The following EDA variants were observed in gnomAD, a reference collection of about 807,000 sequenced individuals.
EDA encodes ectodysplasin A.
EDA carries 2 observed loss-of-function variants against 23.6 expected under a neutral mutation model. The ratio of observed to expected loss-of-function variants is 0.08; its 90% CI spans 0.03 to 0.27. The LOEUF (loss-of-function observed/expected upper bound fraction) is 0.27. EDA is among the 10% of genes least tolerant of loss of function. The pLI is 1.00. For synonymous variants in EDA, 131 were observed against 132.0 expected, an observed-to-expected ratio of 0.99 and a Z score of 0.05; for missense variants, 229 against 324.2, an observed-to-expected ratio of 0.71 and a Z score of 2.26.
intron 2 of EDA, among the ~76,000 whole-genome samples, chrX:69,982,392 A>G (rs1029634714): frequency 2.7e-5 from 3 of 111,203 alleles, no homozygotes; most frequent in Non-Finnish European, 5.7e-5. Flanking sequence ...ATAGAAAGAG[A>G]ACTTGGACCA....
chrX:69,836,859 A>G (rs1477128267), intron 1 of EDA, among the ~76,000 whole-genome samples: 1 of 111,755 alleles, frequency 8.9e-6, no homozygotes, highest in Non-Finnish European at 1.9e-5. Flanking sequence ...CTATTTGGCC[A>G]TCTTGGAATG....
chrX:69,833,016 T>C (rs761500226), intron 1 of EDA, among the ~76,000 whole-genome samples: 1 of 111,621 alleles, frequency 9.0e-6, no homozygotes, highest in Non-Finnish European at 1.9e-5. Context: ...CATTTCCTAA[T>C]TGAATACCCT....
intron 1 of EDA, among the ~76,000 whole-genome samples, chrX:69,789,217 G>A (rs886475957): frequency 5.4e-5 from 6 of 111,817 alleles, no homozygotes; most frequent in African/African-American, 1.3e-4. Context: ...AGATGAACCC[G>A]GTACCTCAGA....
At chrX:70,007,350 G>T (rs1683946535) in intron 2 of EDA, among the ~76,000 whole-genome samples, 2 of 111,526 alleles carry the variant, frequency 1.8e-5, no homozygotes, top group Non-Finnish European at 3.8e-5. Context: ...ATCCATACAT[G>T]TTGTGGAGGG....
intron 2 of EDA, among the ~76,000 whole-genome samples, chrX:70,022,524 G>C (rs756979384): frequency 9.2e-6 from 1 of 108,678 alleles, no homozygotes; most frequent in Non-Finnish European, 1.9e-5. Flanking sequence ...TTTTAGTAGA[G>C]ACGAGGTTTC....
At chrX:69,675,121 C>T (rs922963431) in intron 1 of EDA, among the ~76,000 whole-genome samples, 6 of 102,859 alleles carry the variant, frequency 5.8e-5, no homozygotes, top group African/African-American at 1.8e-4. Context: ...TAGCTGGGAC[C>T]AAAAGCACAT....
chrX:69,957,485 A>C (rs12390151), intron 2 of EDA: 110 of 147,850 alleles, frequency 7.4e-4, no homozygotes, highest in African/African-American at 3.3e-3. Flanking sequence ...TCTCAAAAAA[A>C]AAAAAACAAA....
intron 2 of EDA, among the ~76,000 whole-genome samples, chrX:70,012,171 G>A (rs769296107): frequency 9.0e-6 from 1 of 111,703 alleles, no homozygotes; most frequent in Non-Finnish European, 1.9e-5. Flanking sequence ...GAAAACATAT[G>A]GTTACAAATA....
At chrX:69,805,484 C>T (rs2015793045) in intron 1 of EDA, among the ~76,000 whole-genome samples, 1 of 111,624 alleles carries the variant, frequency 9.0e-6, no homozygotes, top group Non-Finnish European at 1.9e-5. Context: ...TTCAAAAGGC[C>T]TCTCCAAGAT....
At chrX:69,619,728 T>A (rs771178756) in intron 1 of EDA, among the ~76,000 whole-genome samples, 1 of 111,913 alleles carries the variant, frequency 8.9e-6, no homozygotes, top group Non-Finnish European at 1.9e-5. Context: ...ATTAGGACAA[T>A]ATACAGTAAT....
At chrX:70,032,775 G>A (rs7884380) in intron 6 of EDA, among the ~76,000 whole-genome samples, 1,168 of 111,366 alleles carry the variant, frequency 0.01, 17 homozygotes, top group African/African-American at 0.036. Flanking sequence ...CTCACCTATG[G>A]GGCCCTGGTA....
chrX:69,700,243 G>C (rs2011496514), intron 1 of EDA, among the ~76,000 whole-genome samples: 1 of 111,403 alleles, frequency 9.0e-6, no homozygotes, highest in Admixed American at 9.5e-5. Context: ...TCATGAGCAA[G>C]GGCCTGCCCA....
chrX:69,816,429 C>A (rs1273701124), intron 1 of EDA, among the ~76,000 whole-genome samples: 3 of 111,041 alleles, frequency 2.7e-5, no homozygotes, highest in Non-Finnish European at 5.7e-5. Flanking sequence ...TAACCCAATG[C>A]AAAGAAGCTA....
intron 1 of EDA, among the ~76,000 whole-genome samples, chrX:69,821,684 C>T (rs759135278): frequency 2.7e-5 from 3 of 111,948 alleles, no homozygotes; most frequent in Admixed American, 1.9e-4. Context: ...ATAAAGAATA[C>T]AGATGTAAGT....
At chrX:69,655,762 C>CTATATATATATCTATATATATATA (rs1555977669) in intron 1 of EDA, among the ~76,000 whole-genome samples, 2 of 52,478 alleles carry the variant, frequency 3.8e-5, no homozygotes, top group African/African-American at 2.2e-4. Flanking sequence ...TCATTAGAAT[C>CTATATATATATCTATATATATATA]TATATATATA....
At chrX:69,851,466 A>G (rs2017132066) in intron 1 of EDA, among the ~76,000 whole-genome samples, 1 of 112,653 alleles carries the variant, frequency 8.9e-6, no homozygotes, top group Admixed American at 9.4e-5. Context: ...ACTTATGCCA[A>G]CAATGCTTTG....
intron 1 of EDA, among the ~76,000 whole-genome samples, chrX:69,898,759 A>G (rs764699548): frequency 1.8e-5 from 2 of 112,252 alleles, no homozygotes; most frequent in African/African-American, 6.5e-5. Flanking sequence ...AAACCATACA[A>G]TTGGAACTGC....
At chrX:69,845,486 A>G (rs149478667) in intron 1 of EDA, among the ~76,000 whole-genome samples, 167 of 112,376 alleles carry the variant, frequency 1.5e-3, no homozygotes, top group African/African-American at 5.3e-3. Flanking sequence ...AGGAAGGACA[A>G]TTAGCAACTT....
At chrX:69,879,405 A>T (rs774591180) in intron 1 of EDA, among the ~76,000 whole-genome samples, 241 of 111,504 alleles carry the variant, frequency 2.2e-3, no homozygotes, top group African/African-American at 7.4e-3. Context: ...TCACTACTTT[A>T]TCTGCGTCCA....
Sources: allele counts gnomAD v4.1 joint callset (sites outside exome capture counted in the v4.1 genomes callset), GRCh38; gene constraint gnomAD v4.1.1; transcripts MANE v1.5; gene names NCBI Gene and HGNC (gene_info 2026-07-23, HGNC 2026-07-21).